Variants in MRPL48 observed in about 807,000 individuals in gnomAD.
The protein encoded by MRPL48 is mitochondrial ribosomal protein L48.
MRPL48 carries 16 observed loss-of-function variants against 32.9 expected under a neutral mutation model. The observed-to-expected ratio is 0.49, with a 90% CI of 0.33 to 0.74. The LOEUF (loss-of-function observed/expected upper bound fraction) is 0.74. Among genes scored for constraint, MRPL48 ranks in the 30% least tolerant of loss-of-function variants. The pLI, the probability that MRPL48 is intolerant of heterozygous loss-of-function variation, is 0.02. For synonymous variants in MRPL48, 94 were observed against 89.2 expected, an observed-to-expected ratio of 1.05 and a Z score of -0.31; for missense variants, 206 against 245.3, an observed-to-expected ratio of 0.84 and a Z score of 1.07.
intron 4 of MRPL48, among the ~76,000 whole-genome samples, chr11:73,840,803 C>T (rs1187824421): frequency 6.6e-6 from 1 of 151,684 alleles, no homozygotes; most frequent in African/African-American, 2.4e-5. Flanking sequence ...CCCGGCCAAC[C>T]CTGTCTCACA....
chr11:73,843,332 C>T (rs1250787223), intron 4 of MRPL48: 1 of 149,862 alleles, frequency 6.7e-6, no homozygotes, highest in Non-Finnish European at 1.5e-5. Flanking sequence ...TCAAGTGATT[C>T]TCCTGCCTCA....
intron 5 of MRPL48, among the ~76,000 whole-genome samples, chr11:73,855,859 G>A (rs1948474573): frequency 6.6e-6 from 1 of 152,170 alleles, no homozygotes; most frequent in African/African-American, 2.4e-5. Context: ...ACCTCATTAA[G>A]TTAGATCTTT....
At chr11:73,833,804 A>G (rs1006760289) in intron 4 of MRPL48, among the ~76,000 whole-genome samples, 7 of 152,260 alleles carry the variant, frequency 4.6e-5, no homozygotes, top group African/African-American at 1.7e-4. Context: ...CCTCCAGAGT[A>G]GCTGGAACTA....
intron 1 of MRPL48, among the ~76,000 whole-genome samples, chr11:73,791,223 A>G (rs1467884597): frequency 1.3e-5 from 2 of 151,648 alleles, no homozygotes; most frequent in African/African-American, 2.4e-5. Flanking sequence ...CATCTCCCTA[A>G]TATGATAATA....
rs375998805 is a variant in MRPL48 at position 73,812,138 on chromosome 11, G to A, written c.112+3788G>A. On this transcript the variant is annotated intron_variant, in intron 3 of 7. Coordinates refer to ENST00000310614, the MANE Select transcript of MRPL48 (RefSeq NM_016055.6). Reference sequence around the variant, plus strand: ...CCTGACCTTGTGATCCAACCGCCTCGGCCTCCCAAAGTGCTGGGATTACAG... The same window carrying A: ...CCTGACCTTGTGATCCAACCGCCTCAGCCTCCCAAAGTGCTGGGATTACAG... 1.6e-4 allele frequency among the ~76,000 whole-genome samples: 24 copies of A among 152,054 alleles called. No homozygotes were observed. The East Asian group carries it at 2.3e-3, about 15-fold the overall frequency.
chr11:73,810,309 G>A (rs1357469735), intron 3 of MRPL48, among the ~76,000 whole-genome samples: 6 of 152,082 alleles, frequency 3.9e-5, no homozygotes, highest in Non-Finnish European at 8.8e-5. Context: ...ATCACCTTAG[G>A]TCAGGAGTTC....
chr11:73,857,612 T>G, intron 5 of MRPL48, among the ~76,000 whole-genome samples: 1 of 138,418 alleles, frequency 7.2e-6, no homozygotes, highest in Non-Finnish European at 1.6e-5. Flanking sequence ...TTTTTTTTTT[T>G]GAGACAGAGT....
intron 3 of MRPL48, among the ~76,000 whole-genome samples, chr11:73,815,219 C>T (rs1466032845): frequency 6.6e-6 from 1 of 151,910 alleles, no homozygotes; most frequent in Non-Finnish European, 1.5e-5. Context: ...AGTTCACGAC[C>T]AGCCTGACCA....
chr11:73,828,391 G>C (rs1017486423), intron 4 of MRPL48, among the ~76,000 whole-genome samples: 12 of 151,874 alleles, frequency 7.9e-5, no homozygotes, highest in African/African-American at 2.9e-4. Flanking sequence ...CACCCAGCTA[G>C]TTTTTGTATT....
intron 2 of MRPL48, among the ~76,000 whole-genome samples, chr11:73,805,629 C>G (rs1330983428): frequency 6.9e-6 from 1 of 145,688 alleles, no homozygotes; most frequent in Non-Finnish European, 1.5e-5. Flanking sequence ...AACTTGTTGG[C>G]TTTACTTTTG....
chr11:73,808,688 G>A (rs1265619628), intron 3 of MRPL48, among the ~76,000 whole-genome samples: 3 of 152,170 alleles, frequency 2.0e-5, no homozygotes, highest in South Asian at 2.1e-4. Context: ...TTGGGAGGCC[G>A]AGGCGGGCGG....
chr11:73,858,170 T>C (rs184067107), intron 5 of MRPL48, among the ~76,000 whole-genome samples: 3 of 152,350 alleles, frequency 2.0e-5, no homozygotes, highest in Non-Finnish European at 4.4e-5. Context: ...CATTTTTTTA[T>C]GTTGGAAAGT....
intron 4 of MRPL48, among the ~76,000 whole-genome samples, chr11:73,835,286 C>G (rs1948078275): frequency 6.6e-6 from 1 of 151,800 alleles, no homozygotes; most frequent in Non-Finnish European, 1.5e-5. Flanking sequence ...GGATTACAGG[C>G]ACGTGCCACC....
intron 5 of MRPL48, among the ~76,000 whole-genome samples, chr11:73,852,085 G>T (rs1018252368): frequency 2.0e-5 from 3 of 152,160 alleles, no homozygotes; most frequent in Non-Finnish European, 2.9e-5. Flanking sequence ...ACCATTCCGA[G>T]AAGATGTCAG....
At chr11:73,855,676 C>T (rs1235355977) in intron 5 of MRPL48, among the ~76,000 whole-genome samples, 13 of 152,152 alleles carry the variant, frequency 8.5e-5, no homozygotes, top group African/African-American at 2.2e-4. Flanking sequence ...TTAGTGGAGA[C>T]GGGGTTTCGC....
intron 3 of MRPL48, among the ~76,000 whole-genome samples, chr11:73,820,823 A>C (rs902933607): frequency 3.3e-5 from 5 of 151,146 alleles, no homozygotes; most frequent in Non-Finnish European, 7.4e-5. Flanking sequence ...CTTCCCCCCC[A>C]CTATCCCCCC....
chr11:73,805,344 T>C (rs1310348545), intron 2 of MRPL48, among the ~76,000 whole-genome samples: 1 of 151,370 alleles, frequency 6.6e-6, no homozygotes, highest in African/African-American at 2.4e-5. Context: ...TCACCCAGGC[T>C]GGAGTGCAGT....
intron 1 of MRPL48, among the ~76,000 whole-genome samples, chr11:73,788,298 A>G (rs897815995): frequency 2.4e-4 from 36 of 152,126 alleles, no homozygotes; most frequent in African/African-American, 8.2e-4. Context: ...ACACCAGGAT[A>G]CGGTCCCGAT....
At chr11:73,818,352 G>A (rs1450517746) in intron 3 of MRPL48, among the ~76,000 whole-genome samples, 1 of 152,148 alleles carries the variant, frequency 6.6e-6, no homozygotes, top group African/African-American at 2.4e-5. Flanking sequence ...GAGACAAGAC[G>A]AAGGGAACTT....
Sources: gnomAD v4.1 joint callset for allele counts (sites outside exome capture counted in the v4.1 genomes callset) on GRCh38, gnomAD v4.1.1 for gene constraint, MANE v1.5 for transcripts, NCBI Gene and HGNC (gene_info 2026-07-23, HGNC 2026-07-21) for gene names.